Variants in NOL10 observed in about 807,000 individuals in gnomAD.
NOL10 encodes H_NH0074G24.1.
NOL10 carries 58 observed loss-of-function variants against 103.5 expected under a neutral mutation model. That is an observed-to-expected ratio of 0.56 (90% confidence interval 0.45 to 0.70). The LOEUF is 0.70. Ranked by LOEUF, NOL10 falls within the 30% of genes least tolerant of loss-of-function variation. NOL10 has a pLI of 0.00. For synonymous variants in NOL10, 287 were observed against 282.5 expected (o/e 1.02, Z -0.16); for missense variants, 763 against 807.3 (o/e 0.95, Z 0.67).
intron 10 of NOL10, among the ~76,000 whole-genome samples, chr2:10,658,832 C>A (rs1419266772): frequency 6.6e-6 from 1 of 152,222 alleles, no homozygotes; most frequent in African/African-American, 2.4e-5. Flanking sequence ...AATCCCCACA[C>A]TTTGTGAGGC....
At position 10,689,812 on chromosome 2, in the gene NOL10, C is replaced by T; in HGVS notation, c.50G>A (p.Gly17Asp). ...NEVKIYSLSC[G>D]KSLPEWLSDR... Reference sequence around the variant, plus strand: ...GTGACTCACCTCAGGAAGGGACTTGCCGCAGCTGAGGCTGTAAATCTTCAC... The same window carrying T: ...GTGACTCACCTCAGGAAGGGACTTGTCGCAGCTGAGGCTGTAAATCTTCAC... Residue 17 changes from glycine (G) to aspartate (D), a missense_variant, in exon 1 of 21, where the codon GGC becomes GAC. Transcript: ENST00000381685. 1 of 1,606,186 alleles carries T rather than the reference C, an allele frequency of 6.2e-7. No individual in the cohort carries two copies. The highest frequency in any genetic ancestry group is 8.5e-7 in the Non-Finnish European group (1 of 1,176,486).
intron 1 of NOL10, among the ~76,000 whole-genome samples, chr2:10,689,433 G>A (rs537041944): frequency 9.8e-5 from 15 of 152,320 alleles, no homozygotes; most frequent in African/African-American, 3.4e-4. Flanking sequence ...ATGGCCATAT[G>A]GGGGAGAGAT....
At chr2:10,577,836 T>C in intron 19 of NOL10, 98 bp from the exon 20 acceptor site, 1 of 745,930 alleles carries the variant, frequency 1.3e-6, no homozygotes, top group Non-Finnish European at 2.3e-6. Context: ...AAGAAAAATG[T>C]TTACACATGT....
At chr2:10,663,254 C>A (rs1403433827) in intron 8 of NOL10, among the ~76,000 whole-genome samples, 1 of 151,734 alleles carries the variant, frequency 6.6e-6, no homozygotes, top group Non-Finnish European at 1.5e-5. Flanking sequence ...GTAATCCCAG[C>A]TACTTGGGAG....
chr2:10,620,912 C>T (rs1677106502), intron 13 of NOL10, among the ~76,000 whole-genome samples: 1 of 152,166 alleles, frequency 6.6e-6, no homozygotes, highest in Admixed American at 6.5e-5. Flanking sequence ...GCTCCTGCCT[C>T]AGCCTCCTGA....
intron 14 of NOL10, 65 bp downstream of exon 14, chr2:10,607,119 TC>T (rs1319368462): frequency 2.8e-5 from 33 of 1,165,646 alleles, no homozygotes; most frequent in Non-Finnish European, 3.9e-5. Context: ...ATTCTCATGT[TC>T]AAAACTCAAA....
At chr2:10,622,488 C>CAAAAAAAA (rs77285222) in intron 13 of NOL10, among the ~76,000 whole-genome samples, 403 of 124,816 alleles carry the variant, frequency 3.2e-3, no homozygotes, top group African/African-American at 9.9e-3. Context: ...GAGCGTTTTT[C>CAAAAAAAA]AAAAAAAAAG....
At chr2:10,611,463 A>G (rs555453547) in intron 13 of NOL10, among the ~76,000 whole-genome samples, 3 of 152,316 alleles carry the variant, frequency 2.0e-5, no homozygotes, top group African/African-American at 7.2e-5. Context: ...AAAGCACTAC[A>G]AGTGGGGAGG....
intron 12 of NOL10, among the ~76,000 whole-genome samples, chr2:10,650,344 T>C (rs1679380115): frequency 6.6e-6 from 1 of 151,908 alleles, no homozygotes; most frequent in Non-Finnish European, 1.5e-5. Flanking sequence ...TTTTTATTTT[T>C]AGTAGAGACA....
At chr2:10,681,171 G>A (rs1236914753) in intron 3 of NOL10, among the ~76,000 whole-genome samples, 1 of 152,024 alleles carries the variant, frequency 6.6e-6, no homozygotes, top group Non-Finnish European at 1.5e-5. Flanking sequence ...TGTTCATAGT[G>A]CTTTATTAGT....
intron 4 of NOL10, among the ~76,000 whole-genome samples, chr2:10,675,305 C>T (rs116671152): frequency 0.033 from 4,984 of 152,158 alleles, 284 homozygotes; most frequent in African/African-American, 0.11. Context: ...ATGAGAAATG[C>T]ATGCAGCCTC....
At position 10,659,181 on chromosome 2, in the gene NOL10, G is replaced by A; in HGVS notation, c.747C>T (p.Thr249=). The A allele has an allele frequency of 6.2e-7, 1 of 1,600,252 alleles. No individual in the cohort carries two copies. The highest frequency in any genetic ancestry group is 8.5e-7 in the Non-Finnish European group (1 of 1,172,400). The change falls in exon 10 of 21, where the codon ACC becomes ACT. Residue 249 remains threonine (T), a synonymous_variant. Coordinates refer to ENST00000381685, the MANE Select transcript of NOL10 (RefSeq NM_024894.4). ...NGALTMAVGT[T]TGQVLLYDLR... ...AATTAAACATATTTACCTGCCCTGT[G>A]GTTGTTCCAACTGCCATGGTCAAGG...
At chr2:10,603,030 A>T in intron 15 of NOL10, 48 bp downstream of exon 15, 1 of 1,435,532 alleles carries the variant, frequency 7.0e-7, no homozygotes, top group Non-Finnish European at 9.7e-7. Flanking sequence ...ATGGCCACAG[A>T]CTGCGCATTA....
intron 14 of NOL10, among the ~76,000 whole-genome samples, chr2:10,605,586 A>G (rs1377488938): frequency 2.0e-5 from 3 of 152,212 alleles, no homozygotes; most frequent in African/African-American, 4.8e-5. Context: ...CTAAACTTAT[A>G]TAACTCCTTT....
At position 10,684,569 on chromosome 2, in the gene NOL10, A is replaced by C. The variant is rs1682018597; in HGVS notation, c.110T>G (p.Val37Gly). ...AAGTGGGAAAAAACAATACTCACCT[A>C]CATCTTTCTTCTGTAGCGCTCTCTT... The part of the protein sequence containing the change: ...RKKRALQKKD[V>G]DVRRRIELIQ... Residue 37 changes from valine to glycine, a missense_variant and splice_region_variant, in exon 2 of 21, where the codon GTA becomes GGA. Coordinates refer to ENST00000381685, the MANE Select transcript of NOL10 (RefSeq NM_024894.4). 1 of 1,574,890 alleles carries C rather than the reference A, an allele frequency of 6.3e-7. No individual in the cohort carries two copies. Among genetic ancestry groups the C allele is most frequent in the Non-Finnish European group, 8.6e-7 (1 of 1,158,284 alleles).
At chr2:10,655,434 A>G (rs1679784369) in intron 11 of NOL10, among the ~76,000 whole-genome samples, 1 of 152,222 alleles carries the variant, frequency 6.6e-6, no homozygotes, top group African/African-American at 2.4e-5. Flanking sequence ...GATATGAAAT[A>G]CAAAATGAAA....
chr2:10,575,181 T>C (rs1674392481), intron 20 of NOL10, among the ~76,000 whole-genome samples: 1 of 152,232 alleles, frequency 6.6e-6, no homozygotes, highest in Non-Finnish European at 1.5e-5. Context: ...GATGAGGAAC[T>C]GTACTAAATG....
intron 13 of NOL10, among the ~76,000 whole-genome samples, chr2:10,635,912 GA>G: frequency 6.6e-6 from 1 of 152,212 alleles, no homozygotes; most frequent in East Asian, 1.9e-4. Flanking sequence ...TTTTTTTTAA[GA>G]GAGTCTGTGT....
chr2:10,603,017 G>GA, intron 15 of NOL10, 61 bp downstream of exon 15: 1 of 1,375,252 alleles, frequency 7.3e-7, no homozygotes. Context: ...GAGTAGTGAG[G>GA]AAATGGCCAC....
Sources: gnomAD v4.1 joint callset for allele counts (sites outside exome capture counted in the v4.1 genomes callset) on GRCh38, gnomAD v4.1.1 for gene constraint, MANE v1.5 for transcripts, NCBI Gene and HGNC (gene_info 2026-07-23, HGNC 2026-07-21) for gene names.